RPS9: variants seen among roughly 807,000 people sequenced by gnomAD.
RPS9 encodes the protein small ribosomal subunit protein uS4.
A neutral mutation model predicts 16.9 loss-of-function variants in RPS9; 1 was observed. That is an observed-to-expected ratio of 0.06 (90% CI 0.02 to 0.28). RPS9 has a LOEUF of 0.28. Among genes scored for constraint, RPS9 ranks in the 10% least tolerant of loss-of-function variants. The pLI is 1.00. For missense variants in RPS9, 137 were observed against 273.2 expected (o/e 0.50, Z 3.51); for synonymous variants, 106 against 110.9 (o/e 0.96, Z 0.28).
intron 3 of RPS9, chr19:54,202,335 G>A (rs1195048061): frequency 2.5e-5 from 17 of 692,910 alleles, no homozygotes; most frequent in Non-Finnish European, 2.5e-5. Flanking sequence ...ACAGGCATGG[G>A]CCACCAAGCC....
chr19:54,207,351 A>C (rs1213881302), intron 4 of RPS9, 47 bp from the exon 5 acceptor site: 24 of 1,514,612 alleles, frequency 1.6e-5, no homozygotes, highest in Non-Finnish European at 2.1e-5. Context: ...AGCTGGGGTT[A>C]GCGTCCGTTT....
At chr19:54,205,070 T>C (rs1164060399) in intron 3 of RPS9, among the ~76,000 whole-genome samples, 1 of 152,192 alleles carries the variant, frequency 6.6e-6, no homozygotes, top group Admixed American at 6.5e-5. Flanking sequence ...TAGATCTATT[T>C]ATGAAAGCTT....
intron 3 of RPS9, chr19:54,202,627 G>A (rs531797282): frequency 4.2e-5 from 41 of 985,252 alleles, no homozygotes; most frequent in East Asian, 1.1e-4. Flanking sequence ...TCTGAGATGC[G>A]GTGTTATTGG....
At chr19:54,207,281 C>G (rs1023289813) in intron 4 of RPS9, 117 bp from the exon 5 acceptor site, 1 of 835,522 alleles carries the variant, frequency 1.2e-6, no homozygotes, top group Non-Finnish European at 1.9e-6. Context: ...CCTGCAGCGC[C>G]TTGGTGTCTG....
At position 54,201,167 on chromosome 19, in the gene RPS9, CG is replaced by C. The variant is rs745960081; in HGVS notation, c.-14del. On this transcript the variant is annotated 5_prime_UTR_variant, in exon 2 of 5. Transcript: ENST00000302907. Reference sequence around the variant, plus strand: ...CACTTCTCTCCCGCGCAGGCGCAGACGGGGAAGCGGAGCCAACATGCCAGTG... The same window carrying C: ...CACTTCTCTCCCGCGCAGGCGCAGACGGGAAGCGGAGCCAACATGCCAGTG... 3.8e-6 allele frequency: 6 copies of C among 1,599,068 alleles called. No homozygotes were observed. The African/African-American group carries it at 8.0e-5, about 21-fold the overall frequency.
intron 2 of RPS9, 103 bp downstream of exon 2, chr19:54,201,384 G>A (rs2077045446): frequency 1.2e-6 from 2 of 1,606,594 alleles, no homozygotes; most frequent in African/African-American, 2.7e-5. Context: ...CCTAAATTTG[G>A]TACTATTCGT....
At chr19:54,206,604 G>T (rs1196187050) in intron 4 of RPS9, 142 bp downstream of exon 4, 3 of 1,551,922 alleles carry the variant, frequency 1.9e-6, no homozygotes, top group African/African-American at 2.7e-5. Flanking sequence ...ATTCACCCTT[G>T]CACACAGCTC....
rs1157215139 is a variant in RPS9 at position 54,202,603 on chromosome 19, G to A, written c.220+994G>A. 4.1e-6 allele frequency: 4 copies of A among 985,162 alleles called. No homozygotes were observed. In the African/African-American group the frequency reaches 5.2e-5, roughly 13 times the overall value. 61.0% of individuals were successfully genotyped at this position (985,162 alleles called of 1,614,324 possible). On this transcript the variant is annotated intron_variant, in intron 3 of 4. Transcript: ENST00000302907. ...GAAAATGTACCATCTTAACCATCTT[G>A]TTTTAAAATCTACTCTGAGATGCGG...
chr19:54,203,465 T>A, intron 3 of RPS9: 1 of 254,056 alleles, frequency 3.9e-6, no homozygotes, highest in Non-Finnish European at 6.2e-6. Flanking sequence ...GGCTGGCAGT[T>A]AATAATCAAC....
chr19:54,204,851 A>G (rs1407876317), intron 3 of RPS9, among the ~76,000 whole-genome samples: 1 of 152,132 alleles, frequency 6.6e-6, no homozygotes, highest in Non-Finnish European at 1.5e-5. Flanking sequence ...ATATCCTCTG[A>G]TGTTGAGTTA....
At position 54,201,560 on chromosome 19, in the gene RPS9, C is replaced by A. The variant is rs369085989; in HGVS notation, c.171C>A (p.Ala57=). 1.4e-5 allele frequency: 23 copies of A among 1,613,988 alleles called. No homozygotes were observed. Among genetic ancestry groups the A allele is most frequent in the Non-Finnish European group, 1.7e-5 (20 of 1,180,022 alleles). The change falls in exon 3 of 5, where the codon GCC becomes GCA. Residue 57 remains alanine (A), a synonymous_variant. Coordinates refer to ENST00000302907, the MANE Select transcript of RPS9 (RefSeq NM_001013.4). ...CCCTGGCCAAGATCCGCAAGGCCGC[C>A]CGGGAACTGCTGACGCTTGATGAGA... ...KFTLAKIRKA[A]RELLTLDEKD... is the part of the protein sequence containing the mutation.
At position 54,207,447 on chromosome 19, in the gene RPS9, T is replaced by A; in HGVS notation, c.457T>A (p.Ser153Thr). Residue 153 changes from serine to threonine, a missense_variant, in exon 5 of 5, where the codon TCC (serine) becomes ACC (threonine). Transcript: ENST00000302907. Reference protein sequence around the residue: ...NIPSFIVRLDSQKHIDFSLRS... With the variant: ...NIPSFIVRLDTQKHIDFSLRS... ...CCCGTCCTTCATTGTCCGCCTGGAT[T>A]CCCAGAAGCACATCGACTTCTCTCT... 1 of 1,613,746 alleles carries A rather than the reference T, an allele frequency of 6.2e-7. No homozygotes were observed.
rs772740459 is a variant in RPS9 at position 54,201,488 on chromosome 19, C to A, written c.99C>A (p.Gly33=). The A allele has an allele frequency of 1.2e-6, 2 of 1,613,990 alleles. No homozygotes were observed. The highest frequency in any genetic ancestry group is 1.7e-6 in the Non-Finnish European group (2 of 1,179,962). Residue 33 remains glycine, a splice_region_variant and synonymous_variant, in exon 3 of 5, where the codon GGC becomes GGA. Coordinates refer to ENST00000302907, the MANE Select transcript of RPS9 (RefSeq NM_001013.4). ...SRLDQELKLI[G]EYGLRNKREV... is the part of the protein sequence containing the mutation. ...TGTCCACCCCCTTCTCCCCACCAGGCGAGTATGGGCTCCGGAACAAACGTG... is the reference window on the plus strand; with the variant it reads ...TGTCCACCCCCTTCTCCCCACCAGGAGAGTATGGGCTCCGGAACAAACGTG...
At chr19:54,201,131 C>G (rs1419364779) in intron 1 of RPS9, 29 bp from the exon 2 acceptor site, 2 of 1,611,596 alleles carry the variant, frequency 1.2e-6, no homozygotes, top group African/African-American at 2.7e-5. Flanking sequence ...CGTTTGGATC[C>G]CTTACGCTCA....
intron 3 of RPS9, 117 bp downstream of exon 3, chr19:54,201,726 C>T (rs1205044300): frequency 5.3e-6 from 8 of 1,498,590 alleles, no homozygotes; most frequent in African/African-American, 4.2e-5. Context: ...TGGAACCAGC[C>T]TTCTAACTTT....
intron 3 of RPS9, among the ~76,000 whole-genome samples, chr19:54,204,510 C>A (rs2077175207): frequency 6.6e-6 from 1 of 152,152 alleles, no homozygotes; most frequent in African/African-American, 2.4e-5. Flanking sequence ...CTTAAGTGAT[C>A]CTCCTCAGCT....
intron 3 of RPS9, chr19:54,203,309 GC>G: frequency 1.0e-6 from 1 of 985,326 alleles, no homozygotes; most frequent in Non-Finnish European, 1.2e-6. Context: ...AAGCCATCTA[GC>G]CTAGTCAGGG....
Position 54,201,469 on chromosome 19 carries a change from C to T in RPS9, c.98-18C>T. ...CAGTACGTGGGACTACACTTGTCCA[C>T]CCCCTTCTCCCCACCAGGCGAGTAT... On this transcript the variant is annotated intron_variant, in intron 2 of 4. Transcript: ENST00000302907. 3 of 1,613,916 alleles carry T rather than the reference C, an allele frequency of 1.9e-6. No homozygotes were observed. The highest frequency in any genetic ancestry group is 1.7e-6 in the Non-Finnish European group (2 of 1,179,918).
At chr19:54,206,737 G>A in intron 4 of RPS9, 4 of 1,475,080 alleles carry the variant, frequency 2.7e-6, no homozygotes, top group Non-Finnish European at 3.6e-6. Context: ...AACAGCTCTT[G>A]GTGTCCCCAG....
Sources: allele counts gnomAD v4.1 joint callset (sites outside exome capture counted in the v4.1 genomes callset), GRCh38; gene constraint gnomAD v4.1.1; transcripts MANE v1.5; gene names NCBI Gene and HGNC (gene_info 2026-07-23, HGNC 2026-07-21).